CRACD: variants seen among roughly 807,000 people sequenced by gnomAD.
The protein encoded by CRACD is capping protein-inhibiting regulator of actin dynamics.
Under a neutral mutation model 106.8 loss-of-function variants are expected in CRACD, and 56 were observed. The ratio of observed to expected loss-of-function variants is 0.52; its 90% CI spans 0.42 to 0.66. The LOEUF (loss-of-function observed/expected upper bound fraction) is 0.66, where lower values mean the gene tolerates loss of function less well. Ranked by LOEUF, CRACD falls within the 30% of genes least tolerant of loss-of-function variation. The probability of loss-of-function intolerance (pLI) is 0.00; values close to 1 mark genes in which losing one functional copy is unlikely to be tolerated. For missense variants in CRACD, 1,730 were observed against 1,623.2 expected (o/e 1.07, Z -1.13); for synonymous variants, 754 against 670.8 (o/e 1.12, Z -1.92).
chr4:56,282,772 T>TCCC (rs1279363622), intron 3 of CRACD, among the ~76,000 whole-genome samples: 1 of 152,156 alleles, frequency 6.6e-6, no homozygotes, highest in African/African-American at 2.4e-5. Context: ...AAGAAGGCAG[T>TCCC]CCCTGTCTTG....
At chr4:56,317,115 G>A (rs1474108881) in intron 8 of CRACD, among the ~76,000 whole-genome samples, 1 of 152,196 alleles carries the variant, frequency 6.6e-6, no homozygotes, top group Non-Finnish European at 1.5e-5. Flanking sequence ...TTAGATACTA[G>A]GGAAGTTTAA....
intron 1 of CRACD, among the ~76,000 whole-genome samples, chr4:56,161,252 A>G (rs1577702314): frequency 1.3e-5 from 2 of 152,192 alleles, no homozygotes; most frequent in African/African-American, 4.8e-5. Context: ...TTGCTTTTGC[A>G]TAAATTTACA....
At chr4:56,277,994 A>T (rs776020772) in intron 3 of CRACD, among the ~76,000 whole-genome samples, 7 of 152,358 alleles carry the variant, frequency 4.6e-5, no homozygotes, top group Non-Finnish European at 1.0e-4. Flanking sequence ...AATATCATTG[A>T]AAGAAATTAA....
Position 56,316,527 on chromosome 4 carries a change from G to C in CRACD, c.3025G>C (p.Glu1009Gln). The change falls in exon 8 of 11, where the codon GAG becomes CAG. Residue 1009 changes from glutamate (E) to glutamine (Q), a missense_variant. Glu to Gln is a conservative substitution (Grantham distance 29). Around this residue, in one of 5 missense-constraint regions of CRACD, gnomAD observed 1,620 missense variants for 1,481.6 expected, o/e 1.09. Coordinates refer to ENST00000682029, the MANE Select transcript of CRACD (RefSeq NM_001393381.1). ...AAGTGAGCCGTCCAAGGAGGACCAGGAGAGCAGTGACCGCCGGCCACCCTC... is the reference window on the plus strand; with the variant it reads ...AAGTGAGCCGTCCAAGGAGGACCAGCAGAGCAGTGACCGCCGGCCACCCTC... ...EPSEPSKEDQESSDRRPPSPP... is the reference protein window; with the variant it reads ...EPSEPSKEDQQSSDRRPPSPP... The C allele has an allele frequency of 6.2e-7, 1 of 1,613,760 alleles. No individual in the cohort carries two copies. Among genetic ancestry groups the C allele is most frequent in the Non-Finnish European group, 8.5e-7 (1 of 1,179,788 alleles).
At chr4:56,128,717 G>A (rs1295222744) in intron 1 of CRACD, among the ~76,000 whole-genome samples, 2 of 152,132 alleles carry the variant, frequency 1.3e-5, no homozygotes, top group Admixed American at 1.3e-4. Context: ...ACCTGGGTAA[G>A]ATAGGGAGAC....
intron 1 of CRACD, among the ~76,000 whole-genome samples, chr4:56,125,964 G>T (rs1033789818): frequency 5.3e-5 from 8 of 151,712 alleles, no homozygotes; most frequent in Admixed American, 5.3e-4. Flanking sequence ...TAGAGACAGG[G>T]TTTTACCATC....
At chr4:56,081,584 T>G (rs1353200490) in intron 1 of CRACD, among the ~76,000 whole-genome samples, 2 of 152,198 alleles carry the variant, frequency 1.3e-5, no homozygotes, top group Non-Finnish European at 2.9e-5. Flanking sequence ...GGGAAGACTG[T>G]GGGATTTTCA....
intron 2 of CRACD, among the ~76,000 whole-genome samples, chr4:56,216,859 A>C (rs1360318084): frequency 6.6e-6 from 1 of 151,214 alleles, no homozygotes; most frequent in Non-Finnish European, 1.5e-5. Context: ...GGGCACCTGT[A>C]GTCCCAGCTA....
At chr4:56,161,122 GTAATGGTAA>G (rs1735935583) in intron 1 of CRACD, among the ~76,000 whole-genome samples, 1 of 152,146 alleles carries the variant, frequency 6.6e-6, no homozygotes, top group African/African-American at 2.4e-5. Flanking sequence ...ATTATTCTTG[GTAATGGTAA>G]TAACTAGTTC....
intron 3 of CRACD, among the ~76,000 whole-genome samples, chr4:56,293,062 C>G (rs1420370851): frequency 6.6e-6 from 1 of 152,080 alleles, no homozygotes; most frequent in African/African-American, 2.4e-5. Context: ...AATTTGAGAT[C>G]TAAAATATAC....
chr4:56,166,640 C>T (rs1003726840), intron 1 of CRACD, among the ~76,000 whole-genome samples: 6 of 139,998 alleles, frequency 4.3e-5, no homozygotes, highest in South Asian at 4.5e-4. Flanking sequence ...CACCACTGCA[C>T]TCTAGCCTGG....
intron 2 of CRACD, among the ~76,000 whole-genome samples, chr4:56,215,889 A>C (rs767744928): frequency 4.6e-5 from 7 of 152,222 alleles, no homozygotes; most frequent in Non-Finnish European, 1.0e-4. Context: ...ACGATTTCCA[A>C]GCCTCCTAAG....
At chr4:56,194,303 G>A (rs1346995318) in intron 2 of CRACD, among the ~76,000 whole-genome samples, 3 of 152,162 alleles carry the variant, frequency 2.0e-5, no homozygotes, top group Non-Finnish European at 4.4e-5. Flanking sequence ...GAAAAAAGTG[G>A]TGAAGCTTCA....
intron 1 of CRACD, among the ~76,000 whole-genome samples, chr4:56,168,851 A>T (rs2109913550): frequency 6.6e-6 from 1 of 152,218 alleles, no homozygotes; most frequent in Admixed American, 6.5e-5. Flanking sequence ...CCCCCATCAT[A>T]CTACTGCTGT....
At chr4:56,215,936 T>C (rs755919520) in intron 2 of CRACD, among the ~76,000 whole-genome samples, 3 of 152,186 alleles carry the variant, frequency 2.0e-5, no homozygotes, top group Non-Finnish European at 2.9e-5. Flanking sequence ...ATTAATATGC[T>C]CTTATAGATG....
At chr4:56,205,261 A>G (rs1405441441) in intron 2 of CRACD, among the ~76,000 whole-genome samples, 1 of 152,122 alleles carries the variant, frequency 6.6e-6, no homozygotes, top group African/African-American at 2.4e-5. Flanking sequence ...TATGAGAGCT[A>G]GGATGCTGTT....
Position 56,296,913 on chromosome 4 carries a change from TTTG to T in CRACD, c.-16-1298_-16-1296del, listed in dbSNP as rs1560523691. Among the ~76,000 whole-genome samples the T allele has an allele frequency of 8.9e-3, 1,128 of 126,796 alleles. 12 individuals carry two copies. Among genetic ancestry groups the T allele is most frequent in the African/African-American group, 0.033 (1,070 of 32,476 alleles). The allele number at this position is 126,796 out of a possible 152,430, so 83.2% of individuals were successfully genotyped here. A position where few individuals can be genotyped will look rare whatever the true frequency, so the allele number is the denominator to read the frequency against. On this transcript the variant is annotated intron_variant, in intron 3 of 10. Coordinates refer to ENST00000682029, the MANE Select transcript of CRACD (RefSeq NM_001393381.1). ...CTTCCTCTTTGTGCATTTCTTTTTT[TTTG>T]TTTGTTTTTTTTTTTTTTTGAGACT...
chr4:56,166,045 G>A (rs771867064), intron 1 of CRACD, among the ~76,000 whole-genome samples: 24 of 152,064 alleles, frequency 1.6e-4, no homozygotes, highest in Non-Finnish European at 2.2e-4. Flanking sequence ...ATGTTTTTTT[G>A]TAGAGATGGG....
intron 3 of CRACD, among the ~76,000 whole-genome samples, chr4:56,296,927 T>G (rs1001361000): frequency 1.3e-5 from 2 of 151,138 alleles, no homozygotes; most frequent in African/African-American, 2.4e-5. Context: ...TTTGTTTTTT[T>G]TTTTTTTTGA....
Sources: gnomAD v4.1 joint callset for allele counts (sites outside exome capture counted in the v4.1 genomes callset) on GRCh38, gnomAD v4.1.1 for gene constraint, gnomAD v4.1.1 regional missense constraint, MANE v1.5 for transcripts, NCBI Gene and HGNC (gene_info 2026-07-23, HGNC 2026-07-21) for gene names.